Variants in ATP5MJ observed in about 807,000 individuals in gnomAD.
ATP5MJ encodes the protein ATP synthase membrane subunit j.
A neutral mutation model predicts 8.3 loss-of-function variants in ATP5MJ; 4 were observed. That is an observed-to-expected ratio of 0.48 (90% CI 0.24 to 1.11). The LOEUF is 1.11. Ranked by LOEUF, ATP5MJ falls within the 50% of genes least tolerant of loss-of-function variation. ATP5MJ has a pLI of 0.18. For missense variants in ATP5MJ, 66 were observed against 71.8 expected, an observed-to-expected ratio of 0.92 and a Z score of 0.29; for synonymous variants, 23 against 21.3, an observed-to-expected ratio of 1.08 and a Z score of -0.23.
At chr14:103,914,849 A>AAAAAAAAAAAAAAAT in intron 2 of ATP5MJ, 1 of 365,068 alleles carries the variant, frequency 2.7e-6, no homozygotes, top group Non-Finnish European at 4.6e-6. Context: ...AAAAAAAAAA[A>AAAAAAAAAAAAAAAT]AAAAAAAAGA....
At chr14:103,920,853 C>T (rs961530846) in intron 1 of ATP5MJ, 2 of 948,514 alleles carry the variant, frequency 2.1e-6, no homozygotes, top group Admixed American at 4.0e-5. Context: ...TTTAAAAATC[C>T]ATCTTATTCA....
At chr14:103,918,924 A>C (rs1174278032) in intron 1 of ATP5MJ, among the ~76,000 whole-genome samples, 1 of 151,850 alleles carries the variant, frequency 6.6e-6, no homozygotes, top group East Asian at 2.0e-4. Context: ...CGGAAGGCCG[A>C]GGCAGGAGAA....
intron 2 of ATP5MJ, 99 bp downstream of exon 2, chr14:103,914,967 C>A: frequency 1.4e-6 from 2 of 1,480,698 alleles, no homozygotes; most frequent in Middle Eastern, 1.7e-4. Context: ...ATGTTCATAC[C>A]TAGTTAGAAC....
intron 1 of ATP5MJ, among the ~76,000 whole-genome samples, chr14:103,919,709 G>T (rs1441685145): frequency 2.0e-5 from 3 of 152,164 alleles, no homozygotes; most frequent in Non-Finnish European, 4.4e-5. Context: ...TTAGTCCCCA[G>T]TGCAACAGGG....
Position 103,918,359 on chromosome 14 carries a change from GT to G in ATP5MJ, c.-1+3110del, listed in dbSNP as rs36094054. On this transcript the variant is annotated intron_variant, in intron 1 of 3. Coordinates refer to ENST00000286953, the MANE Select transcript of ATP5MJ (RefSeq NM_004894.3). ...AGTCCCTTTAGCTGTTGTTTCAGAG[GT>G]TTTTTTTTTTCTCTTTTTTGAGACG... is the stretch of plus-strand genomic sequence containing the variant. 2.3e-4 allele frequency among the ~76,000 whole-genome samples: 34 copies of G among 147,986 alleles called. No homozygotes were observed. In the South Asian group the frequency reaches 5.6e-3, roughly 24 times the overall value.
chr14:103,914,848 A>AAAAAAAAAAAAAAAC, intron 2 of ATP5MJ: 1 of 438,448 alleles, frequency 2.3e-6, no homozygotes, highest in African/African-American at 2.1e-5. Flanking sequence ...AAAAAAAAAA[A>AAAAAAAAAAAAAAAC]AAAAAAAAAG....
chr14:103,914,067 G>T, intron 2 of ATP5MJ, 83 bp from the exon 3 acceptor site: 2 of 1,300,626 alleles, frequency 1.5e-6, no homozygotes, highest in Non-Finnish European at 2.2e-6. Flanking sequence ...TTAGCTGAAG[G>T]CATTGTAGCT....
intron 3 of ATP5MJ, chr14:103,913,660 A>T: frequency 2.1e-6 from 1 of 486,076 alleles, no homozygotes; most frequent in East Asian, 3.3e-5. Flanking sequence ...CTTCTAGGAC[A>T]GCATGCTTGC....
chr14:103,914,713 G>C, intron 2 of ATP5MJ: 1 of 550,636 alleles, frequency 1.8e-6, no homozygotes, highest in South Asian at 2.8e-5. Context: ...TGTGGTCCTA[G>C]CTACTTGGCA....
chr14:103,916,957 A>G lies in ATP5MJ; in HGVS notation c.1-1768T>C, dbSNP rs532541530. On this transcript the variant is annotated intron_variant, in intron 1 of 3. Coordinates refer to ENST00000286953, the MANE Select transcript of ATP5MJ (RefSeq NM_004894.3). ...CACAAGCCCAACCTAGTCAAAGGTCAAATGGCGGCCCTCAAATCACTGAAA... is the reference window on the plus strand; with the variant it reads ...CACAAGCCCAACCTAGTCAAAGGTCGAATGGCGGCCCTCAAATCACTGAAA... 3.9e-5 allele frequency among the ~76,000 whole-genome samples: 6 copies of G among 152,288 alleles called. No individual in the cohort carries two copies. The East Asian group carries it at 1.2e-3, about 29-fold the overall frequency.
chr14:103,912,360 C>T lies in ATP5MJ; in HGVS notation c.*306G>A, dbSNP rs2087586967. Reference sequence around the variant, plus strand: ...CAAGTGAGTGCCTGGATCCTGATCACCAAGTCCTGTACAACTGAGGTAATT... The same window carrying T: ...CAAGTGAGTGCCTGGATCCTGATCATCAAGTCCTGTACAACTGAGGTAATT... On this transcript the variant is annotated 3_prime_UTR_variant, in exon 4 of 4. Transcript: ENST00000286953. The T allele has an allele frequency of 2.8e-6, 1 of 351,914 alleles. No homozygotes were observed. The highest frequency in any genetic ancestry group is 5.2e-6 in the Non-Finnish European group (1 of 193,750). 21.8% of individuals were successfully genotyped at this position (351,914 alleles called of 1,614,324 possible). A position where few individuals can be genotyped will look rare whatever the true frequency, so the allele number is the denominator to read the frequency against.
chr14:103,914,568 A>G, intron 2 of ATP5MJ: 1 of 689,800 alleles, frequency 1.4e-6, no homozygotes, highest in Non-Finnish European at 2.7e-6. Flanking sequence ...TGGGAAGCCA[A>G]GATTGGAGGA....
At chr14:103,917,112 C>A (rs2087631736) in intron 1 of ATP5MJ, among the ~76,000 whole-genome samples, 1 of 152,152 alleles carries the variant, frequency 6.6e-6, no homozygotes, top group African/African-American at 2.4e-5. Flanking sequence ...TCGGCATTGG[C>A]AGAGACTCCG....
At chr14:103,915,648 A>AT (rs542646013) in intron 1 of ATP5MJ, among the ~76,000 whole-genome samples, 10,077 of 132,826 alleles carry the variant, frequency 0.076, 569 homozygotes, top group East Asian at 0.22. Context: ...GTGCCTGGCC[A>AT]TTTTTTTTTT....
chr14:103,921,163 G>A (rs970384186), intron 1 of ATP5MJ: 45 of 810,390 alleles, frequency 5.6e-5, no homozygotes, highest in Non-Finnish European at 8.2e-5. Context: ...ACTCTGCGTA[G>A]CCTCTGGGTT....
chr14:103,914,229 C>T lies in ATP5MJ; in HGVS notation c.125-245G>A, dbSNP rs142886349. On this transcript the variant is annotated intron_variant, in intron 2 of 3. Coordinates refer to ENST00000286953, the MANE Select transcript of ATP5MJ (RefSeq NM_004894.3). ...AATGTCCTAAACTTTAGTCTTGCAGCATAAAGTTTTCTCTTTTCTCTTTGT... is the reference window on the plus strand; with the variant it reads ...AATGTCCTAAACTTTAGTCTTGCAGTATAAAGTTTTCTCTTTTCTCTTTGT... The T allele has an allele frequency of 6.1e-4, 342 of 565,074 alleles. 1 individual carries two copies. The highest frequency in any genetic ancestry group is 9.6e-4 in the Non-Finnish European group (309 of 322,550). 35.0% of individuals were successfully genotyped at this position (565,074 alleles called of 1,614,324 possible).
In ATP5MJ at chr14:103,912,626, G is replaced by A. The variant is rs766196107; in HGVS notation, c.*40C>T. On this transcript the variant is annotated 3_prime_UTR_variant, in exon 4 of 4. Transcript: ENST00000286953. ...CACGGCTTGCTGAAATTTACAGGCA[G>A]ACTGACGTTTTCTTTCACATGTACT... 3.7e-6 allele frequency: 6 copies of A among 1,607,798 alleles called. No homozygotes were observed. Among genetic ancestry groups the A allele is most frequent in the South Asian group, 1.1e-5 (1 of 90,838 alleles).
intron 1 of ATP5MJ, among the ~76,000 whole-genome samples, chr14:103,916,884 TC>T (rs2087630063): frequency 1.3e-5 from 2 of 152,100 alleles, no homozygotes; most frequent in Admixed American, 1.3e-4. Context: ...GTGCTCCCTT[TC>T]CCACACTGCG....
intron 1 of ATP5MJ, chr14:103,917,892 G>C (rs979748407): frequency 6.6e-6 from 1 of 152,218 alleles, no homozygotes; most frequent in Non-Finnish European, 1.5e-5. Flanking sequence ...CACCAAATCT[G>C]TACGTCATGC....
Sources: allele counts gnomAD v4.1 joint callset (sites outside exome capture counted in the v4.1 genomes callset), GRCh38; gene constraint gnomAD v4.1.1; transcripts MANE v1.5; gene names NCBI Gene and HGNC (gene_info 2026-07-23, HGNC 2026-07-21).